The following PPP4R2 variants were observed in gnomAD, a reference collection of about 807,000 sequenced individuals.
PPP4R2 encodes the protein serine/threonine-protein phosphatase 4 regulatory subunit 2.
A neutral mutation model predicts 47.2 loss-of-function variants in PPP4R2; 13 were observed. The observed-to-expected ratio is 0.28, with a 90% CI of 0.18 to 0.44. The LOEUF (loss-of-function observed/expected upper bound fraction) is 0.44, where lower values mean the gene tolerates loss of function less well. Ranked by LOEUF, PPP4R2 falls within the 20% of genes least tolerant of loss-of-function variation. The pLI, the probability that PPP4R2 is intolerant of heterozygous loss-of-function variation, is 1.00. For missense variants in PPP4R2, 421 were observed against 491.2 expected, an observed-to-expected ratio of 0.86 and a Z score of 1.35; for synonymous variants, 151 against 163.3, an observed-to-expected ratio of 0.92 and a Z score of 0.57.
intron 5 of PPP4R2, chr3:73,062,205 C>A: frequency 6.3e-7 from 1 of 1,582,574 alleles, no homozygotes; most frequent in Non-Finnish European, 8.6e-7. Context: ...AGAATTAAGT[C>A]GGAACCAATT....
intron 5 of PPP4R2, chr3:73,063,134 C>T (rs1250606575): frequency 3.9e-6 from 2 of 512,242 alleles, no homozygotes; most frequent in Non-Finnish European, 7.1e-6. Flanking sequence ...GCAACAGCGG[C>T]AAACTACTGG....
intron 2 of PPP4R2, among the ~76,000 whole-genome samples, chr3:73,042,367 T>C (rs1365484534): frequency 7.1e-5 from 10 of 140,816 alleles, no homozygotes; most frequent in African/African-American, 1.4e-4. Context: ...ATTTCTTTTT[T>C]TTTTTTTTTT....
At chr3:73,040,292 C>T (rs1306565767) in intron 2 of PPP4R2, among the ~76,000 whole-genome samples, 2 of 152,114 alleles carry the variant, frequency 1.3e-5, no homozygotes, top group African/African-American at 4.8e-5. Context: ...ACTGATGACA[C>T]TACAAAGTAT....
chr3:73,046,175 C>G (rs1383276741), intron 2 of PPP4R2, among the ~76,000 whole-genome samples: 4 of 152,262 alleles, frequency 2.6e-5, no homozygotes, highest in Admixed American at 6.5e-5. Flanking sequence ...GTTTTATCCA[C>G]CTTGCTTTTA....
chr3:73,052,085 A>G (rs1430845325), intron 3 of PPP4R2, among the ~76,000 whole-genome samples: 1 of 152,206 alleles, frequency 6.6e-6, no homozygotes, highest in African/African-American at 2.4e-5. Flanking sequence ...ACAGACAAGT[A>G]TGGAATGACT....
intron 2 of PPP4R2, among the ~76,000 whole-genome samples, chr3:73,002,604 TTTTTCTTTTCTTTTCTTTTC>T (rs67976074): frequency 3.9e-5 from 4 of 102,510 alleles, no homozygotes; most frequent in Non-Finnish European, 5.9e-5. Flanking sequence ...TGCACAGGGA[TTTTTCTTTTCTTTTCTTTTC>T]TTTTCTTTTC....
intron 4 of PPP4R2, 108 bp from the exon 5 acceptor site, chr3:73,060,915 G>A: frequency 3.1e-6 from 2 of 648,606 alleles, no homozygotes; most frequent in Non-Finnish European, 4.9e-6. Flanking sequence ...AGCAAAATTA[G>A]AATCAATGGG....
chr3:73,041,777 G>T (rs1487906935), intron 2 of PPP4R2, among the ~76,000 whole-genome samples: 1 of 152,256 alleles, frequency 6.6e-6, no homozygotes, highest in Non-Finnish European at 1.5e-5. Flanking sequence ...CGTTAAGGTG[G>T]TTGGCCGCTG....
chr3:73,053,622 G>A (rs563432666), intron 3 of PPP4R2, among the ~76,000 whole-genome samples: 57 of 151,920 alleles, frequency 3.8e-4, no homozygotes, highest in Non-Finnish European at 6.3e-4. Context: ...TAAAAGAGGC[G>A]AAATTAGCTG....
At chr3:73,015,047 T>G (rs149449323) in intron 2 of PPP4R2, 45 of 545,958 alleles carry the variant, frequency 8.2e-5, no homozygotes, top group African/African-American at 8.2e-4. Context: ...TGTTTATTAA[T>G]AAACATGCCA....
At chr3:72,998,427 A>T (rs1265571016) in intron 2 of PPP4R2, among the ~76,000 whole-genome samples, 1 of 152,212 alleles carries the variant, frequency 6.6e-6, no homozygotes, top group Non-Finnish European at 1.5e-5. Context: ...TATTAGTCTT[A>T]ACGAGCCAGA....
chr3:73,037,815 T>C (rs1702295975), intron 2 of PPP4R2, among the ~76,000 whole-genome samples: 2 of 152,228 alleles, frequency 1.3e-5, no homozygotes, highest in African/African-American at 4.8e-5. Context: ...GTACCATCAC[T>C]GAAATCTCGG....
At chr3:73,060,649 G>T (rs1702835533) in intron 4 of PPP4R2, among the ~76,000 whole-genome samples, 1 of 152,200 alleles carries the variant, frequency 6.6e-6, no homozygotes, top group African/African-American at 2.4e-5. Context: ...ATTGGGTGTT[G>T]CTTTGTAAGG....
In PPP4R2 at chr3:73,009,379, A is replaced by G. The variant is rs565236397; in HGVS notation, c.116+11221A>G. On this transcript the variant is annotated intron_variant, in intron 2 of 8. Transcript: ENST00000356692. ...TTAAAAAGTTGAGAAGCAGTTGTCT[A>G]TATTGCATGAGAAAGAGCAGTCACC... Among the ~76,000 whole-genome samples, 15 of 152,360 alleles carry G rather than the reference A, an allele frequency of 9.8e-5. No homozygotes were observed. In the South Asian group the frequency reaches 1.7e-3, roughly 17 times the overall value.
chr3:73,064,886 G>A lies in PPP4R2; in HGVS notation c.673G>A (p.Val225Met). Residue 225 changes from valine to methionine, a missense_variant, in exon 8 of 9, where the codon GTG becomes ATG. This residue lies in a region of PPP4R2 where 317 missense variants were observed against 287.5 expected (regional missense o/e 1.10). Coordinates refer to ENST00000356692, the MANE Select transcript of PPP4R2 (RefSeq NM_174907.4). ...GACCTCTGAATCAGAAGTTTCCTCA[G>A]TGAGCCCTTTGAAAAATAAACATCC... ...SSTSESEVSS[V>M]SPLKNKHPDE... The A allele has an allele frequency of 6.2e-7, 1 of 1,613,126 alleles. No homozygotes were observed. Among genetic ancestry groups the A allele is most frequent in the Non-Finnish European group, 8.5e-7 (1 of 1,179,512 alleles).
At chr3:73,006,136 A>G (rs895272297) in intron 2 of PPP4R2, among the ~76,000 whole-genome samples, 3 of 150,408 alleles carry the variant, frequency 2.0e-5, no homozygotes, top group Admixed American at 6.6e-5. Context: ...TCTATTCAAC[A>G]TAGTTTGTAT....
chr3:73,024,793 T>G (rs1241169893), intron 2 of PPP4R2, among the ~76,000 whole-genome samples: 1 of 152,140 alleles, frequency 6.6e-6, no homozygotes, highest in South Asian at 2.1e-4. Flanking sequence ...ATTTAAAAAT[T>G]TTTGCTTCCA....
chr3:73,053,188 TAGTTAA>T (rs1233363473), intron 3 of PPP4R2, among the ~76,000 whole-genome samples: 4 of 152,352 alleles, frequency 2.6e-5, no homozygotes, highest in African/African-American at 9.6e-5. Flanking sequence ...TTGAGTATAT[TAGTTAA>T]AATGTACTTA....
chr3:73,060,243 T>C (rs777582429), intron 4 of PPP4R2, among the ~76,000 whole-genome samples: 10 of 152,192 alleles, frequency 6.6e-5, no homozygotes, highest in Admixed American at 1.3e-4. Flanking sequence ...CTCTGTACAC[T>C]CAATTGAATA....
Sources: gnomAD v4.1 joint callset for allele counts (sites outside exome capture counted in the v4.1 genomes callset) on GRCh38, gnomAD v4.1.1 for gene constraint, gnomAD v4.1.1 regional missense constraint, MANE v1.5 for transcripts, NCBI Gene and HGNC (gene_info 2026-07-23, HGNC 2026-07-21) for gene names.